DMD: variants seen among roughly 807,000 people sequenced by gnomAD.
DMD encodes mutant dystrophin.
DMD carries 63 observed loss-of-function variants against 330.1 expected under a neutral mutation model. That is an observed-to-expected ratio of 0.19 (90% CI 0.16 to 0.24). DMD has a LOEUF of 0.24. Among genes scored for constraint, DMD ranks in the 10% least tolerant of loss-of-function variants. DMD has a pLI of 1.00. For missense variants in DMD, 3,344 were observed against 2,684.1 expected, an observed-to-expected ratio of 1.25 and a Z score of -5.43; for synonymous variants, 1,223 against 959.8, an observed-to-expected ratio of 1.27 and a Z score of -5.07.
rs570811069 is a variant in DMD, at chrX:31,937,553, G to A, written c.6615-5326C>T. Among the ~76,000 whole-genome samples, 5 of 111,451 alleles carry A rather than the reference G, an allele frequency of 4.5e-5. No homozygotes were observed. The South Asian group carries it at 1.5e-3, about 33-fold the overall frequency. ...AAAAAGATGGTGACAAAATCCCGTT[G>A]GGACCTTGTTATAATCTGCTTTTCC... On this transcript the variant is annotated intron_variant, in intron 45 of 78. Transcript: ENST00000357033.
intron 7 of DMD, among the ~76,000 whole-genome samples, chrX:32,704,362 G>T (rs941338288): frequency 9.2e-6 from 1 of 108,879 alleles, no homozygotes; most frequent in Non-Finnish European, 1.9e-5. Flanking sequence ...TGAAAGCAGT[G>T]CCTTCAACAA....
At chrX:32,043,735 T>C (rs1378719557) in intron 44 of DMD, among the ~76,000 whole-genome samples, 1 of 111,749 alleles carries the variant, frequency 8.9e-6, no homozygotes. Flanking sequence ...GTTATACTAA[T>C]AGTGATGCAA....
intron 26 of DMD, among the ~76,000 whole-genome samples, chrX:32,450,157 G>A (rs1313047394): frequency 9.0e-6 from 1 of 110,757 alleles, no homozygotes; most frequent in Non-Finnish European, 1.9e-5. Flanking sequence ...TCAAGTAAAG[G>A]AACTCAGGTT....
chrX:32,085,737 TG>T (rs1177958748), intron 44 of DMD, among the ~76,000 whole-genome samples: 8 of 106,703 alleles, frequency 7.5e-5, no homozygotes, highest in African/African-American at 2.8e-4. Context: ...CTGATATTGA[TG>T]GCTTTTCTCT....
intron 1 of DMD, among the ~76,000 whole-genome samples, chrX:33,024,845 C>T (rs756846386): frequency 9.0e-6 from 1 of 111,729 alleles, no homozygotes; most frequent in African/African-American, 3.2e-5. Flanking sequence ...CAAGCCTTAG[C>T]GTCTTTAACT....
At chrX:31,497,899 T>G (rs1279223420) in intron 56 of DMD, among the ~76,000 whole-genome samples, 1 of 112,289 alleles carries the variant, frequency 8.9e-6, no homozygotes, top group East Asian at 2.8e-4. Flanking sequence ...ATAACATAAA[T>G]ATAATAAAGA....
At chrX:33,250,406 G>C (rs972976786) in intron 1 of DMD, among the ~76,000 whole-genome samples, 9 of 109,880 alleles carry the variant, frequency 8.2e-5, no homozygotes, top group African/African-American at 3.0e-4. Flanking sequence ...TGATATGACA[G>C]GAGGCAGAGC....
chrX:33,204,167 T>C (rs917680911), intron 1 of DMD, among the ~76,000 whole-genome samples: 5 of 111,803 alleles, frequency 4.5e-5, no homozygotes, highest in Admixed American at 9.5e-5. Context: ...AATACAAATA[T>C]GTTTACATCA....
intron 34 of DMD, among the ~76,000 whole-genome samples, chrX:32,375,866 C>T (rs1225086510): frequency 8.9e-6 from 1 of 111,876 alleles, no homozygotes; most frequent in South Asian, 3.7e-4. Context: ...TCTCTTTCAT[C>T]GTTTTAGGCA....
At chrX:33,258,880 A>C (rs1173958325) in intron 1 of DMD, among the ~76,000 whole-genome samples, 1 of 111,323 alleles carries the variant, frequency 9.0e-6, no homozygotes, top group Non-Finnish European at 1.9e-5. Flanking sequence ...ACTGCTTATT[A>C]AATAGTTAAG....
chrX:32,739,248 G>A (rs917752681), intron 7 of DMD, among the ~76,000 whole-genome samples: 3 of 112,033 alleles, frequency 2.7e-5, no homozygotes, highest in Non-Finnish European at 5.6e-5. Context: ...CAGAACCTAT[G>A]CTGTCCTCCC....
At chrX:32,861,045 G>A (rs2082040109) in intron 2 of DMD, among the ~76,000 whole-genome samples, 1 of 111,728 alleles carries the variant, frequency 9.0e-6, no homozygotes, top group African/African-American at 3.3e-5. Flanking sequence ...AGAATGCCTT[G>A]GGTTCAACTC....
chrX:32,832,398 A>G (rs1217683511), intron 4 of DMD, among the ~76,000 whole-genome samples: 1 of 111,555 alleles, frequency 9.0e-6, no homozygotes. Flanking sequence ...AACCTCAAGC[A>G]TGTACTTCCA....
chrX:31,352,733 G>A (rs1439951953), intron 60 of DMD, among the ~76,000 whole-genome samples: 4 of 112,190 alleles, frequency 3.6e-5, no homozygotes, highest in Non-Finnish European at 7.5e-5. Flanking sequence ...ATTATCACTG[G>A]AGAAAGGTTT....
At chrX:32,728,344 A>G (rs1277611095) in intron 7 of DMD, among the ~76,000 whole-genome samples, 1 of 111,946 alleles carries the variant, frequency 8.9e-6, no homozygotes, top group African/African-American at 3.2e-5. Flanking sequence ...ATGTTGTAAT[A>G]CAGGCAAAAT....
At chrX:32,828,660 C>CATATGT (rs2148883963) in intron 4 of DMD, among the ~76,000 whole-genome samples, 9 of 108,791 alleles carry the variant, frequency 8.3e-5, no homozygotes, top group African/African-American at 3.1e-4. Context: ...TACATATATA[C>CATATGT]ATACACACAC....
chrX:33,002,066 C>T (rs755423409), intron 2 of DMD, among the ~76,000 whole-genome samples: 1 of 110,993 alleles, frequency 9.0e-6, no homozygotes, highest in Non-Finnish European at 1.9e-5. Flanking sequence ...CTATTCATTC[C>T]CCTTTTGGTT....
At chrX:32,266,636 TTAATA>T (rs1281102726) in intron 43 of DMD, among the ~76,000 whole-genome samples, 1 of 111,781 alleles carries the variant, frequency 8.9e-6, no homozygotes, top group Non-Finnish European at 1.9e-5. Context: ...CGTTTCATAT[TTAATA>T]TATTTTCATA....
At chrX:32,834,614 T>G (rs1012649217) in intron 4 of DMD, among the ~76,000 whole-genome samples, 2 of 111,601 alleles carry the variant, frequency 1.8e-5, no homozygotes, top group African/African-American at 3.2e-5. Context: ...CCTAGGCTTT[T>G]TAAATACTCA....
Sources: gnomAD v4.1 joint callset for allele counts (sites outside exome capture counted in the v4.1 genomes callset) on GRCh38, gnomAD v4.1.1 for gene constraint, MANE v1.5 for transcripts, NCBI Gene and HGNC (gene_info 2026-07-23, HGNC 2026-07-21) for gene names.